Variants in FRMD5 observed in about 807,000 individuals in gnomAD.
FRMD5 encodes FERM domain-containing protein 5.
FRMD5 carries 20 observed loss-of-function variants against 69.0 expected under a neutral mutation model. That is an observed-to-expected ratio of 0.29 (90% CI 0.20 to 0.42). The LOEUF is 0.42. FRMD5 is among the 10% of genes least tolerant of loss of function. The probability of loss-of-function intolerance (pLI) is 1.00; values close to 1 mark genes in which losing one functional copy is unlikely to be tolerated. For missense variants in FRMD5, 595 were observed against 708.6 expected, an observed-to-expected ratio of 0.84 and a Z score of 1.82; for synonymous variants, 271 against 260.1, an observed-to-expected ratio of 1.04 and a Z score of -0.40.
intron 8 of FRMD5, 142 bp from the exon 9 acceptor site, chr15:43,889,014 C>A: frequency 1.5e-6 from 1 of 679,518 alleles, no homozygotes; most frequent in Non-Finnish European, 2.6e-6. Context: ...TGAAACAAGA[C>A]AGCAGCGCAG....
intron 1 of FRMD5, among the ~76,000 whole-genome samples, chr15:44,105,549 C>A (rs1033803521): frequency 6.6e-6 from 1 of 152,100 alleles, no homozygotes; most frequent in Non-Finnish European, 1.5e-5. Context: ...TTGTAGGAAA[C>A]CATCAGTTAG....
At chr15:43,874,548 C>T in intron 13 of FRMD5, 86 bp from the exon 14 acceptor site, 1 of 922,948 alleles carries the variant, frequency 1.1e-6, no homozygotes, top group Non-Finnish European at 1.7e-6. Context: ...TATTGGGTAC[C>T]ATTCTGCACA....
chr15:44,133,576 C>CAAA (rs11326330), intron 1 of FRMD5, among the ~76,000 whole-genome samples: 1 of 86,950 alleles, frequency 1.2e-5, no homozygotes, highest in East Asian at 2.9e-4. Flanking sequence ...GAATCTGTCT[C>CAAA]AAAAAAAAAA....
chr15:44,150,012 AAATC>A (rs2077418390), intron 1 of FRMD5, among the ~76,000 whole-genome samples: 1 of 152,194 alleles, frequency 6.6e-6, no homozygotes, highest in Admixed American at 6.5e-5. Flanking sequence ...CAACATATGA[AAATC>A]AATCAACGCA....
At chr15:44,037,896 G>T (rs1261085258) in intron 1 of FRMD5, among the ~76,000 whole-genome samples, 1 of 152,068 alleles carries the variant, frequency 6.6e-6, no homozygotes, top group Non-Finnish European at 1.5e-5. Context: ...TTCCACAATG[G>T]TTGAACTAAT....
At chr15:44,038,820 G>A (rs898133473) in intron 1 of FRMD5, among the ~76,000 whole-genome samples, 3 of 151,992 alleles carry the variant, frequency 2.0e-5, no homozygotes, top group East Asian at 1.9e-4. Flanking sequence ...AGTGCACTGC[G>A]GCCCAGATAT....
chr15:43,888,340 C>T (rs1329097346), intron 9 of FRMD5, 74 bp from the exon 10 acceptor site: 1 of 1,045,968 alleles, frequency 9.6e-7, no homozygotes, highest in African/African-American at 1.6e-5. Flanking sequence ...AGGACCCTGA[C>T]CCCAGAGCTG....
chr15:44,067,041 A>C (rs576058394), intron 1 of FRMD5, among the ~76,000 whole-genome samples: 1 of 152,194 alleles, frequency 6.6e-6, no homozygotes, highest in South Asian at 2.1e-4. Context: ...AAGAAGAGGG[A>C]TGGAATGGAC....
intron 1 of FRMD5, among the ~76,000 whole-genome samples, chr15:44,087,373 G>A (rs1156483891): frequency 6.6e-6 from 1 of 152,128 alleles, no homozygotes; most frequent in Non-Finnish European, 1.5e-5. Flanking sequence ...ATTATAACAC[G>A]TAATAACATA....
chr15:43,940,314 T>C (rs1595540047), intron 1 of FRMD5, among the ~76,000 whole-genome samples: 1 of 152,310 alleles, frequency 6.6e-6, no homozygotes, highest in South Asian at 2.1e-4. Context: ...AAGAAAGTAA[T>C]GGGGCCCTAT....
chr15:44,130,030 T>C (rs1356666636), intron 1 of FRMD5, among the ~76,000 whole-genome samples: 1 of 152,186 alleles, frequency 6.6e-6, no homozygotes, highest in Non-Finnish European at 1.5e-5. Flanking sequence ...CTCAGTGTCC[T>C]CTTCCTTCTC....
At chr15:43,953,457 A>G (rs950196030) in intron 1 of FRMD5, among the ~76,000 whole-genome samples, 2 of 152,270 alleles carry the variant, frequency 1.3e-5, no homozygotes, top group Non-Finnish European at 2.9e-5. Flanking sequence ...AAAGAAAATC[A>G]GCAATGAGAA....
chr15:43,888,349 TGTTAGAGGCCCTGGCAGCTGGCTA>T (rs1201462799), intron 9 of FRMD5, 83 bp from the exon 10 acceptor site: 3 of 921,894 alleles, frequency 3.3e-6, no homozygotes, highest in African/African-American at 3.3e-5. Flanking sequence ...ACCCCAGAGC[TGTTAGAGGCCCTGGCAGCTGGCTA>T]GTTAGAGGGG....
intron 7 of FRMD5, among the ~76,000 whole-genome samples, chr15:43,895,052 G>A (rs1333262095): frequency 6.6e-6 from 1 of 152,100 alleles, no homozygotes; most frequent in Non-Finnish European, 1.5e-5. Context: ...CCAAAGTGCT[G>A]GCATTACAGA....
At chr15:43,951,296 C>T (rs1226685660) in intron 1 of FRMD5, among the ~76,000 whole-genome samples, 3 of 151,792 alleles carry the variant, frequency 2.0e-5, no homozygotes, top group Non-Finnish European at 4.4e-5. Context: ...GTGGCGGGCA[C>T]CTGTAGTCCC....
intron 1 of FRMD5, among the ~76,000 whole-genome samples, chr15:44,155,679 C>T (rs1267598013): frequency 6.6e-6 from 1 of 150,848 alleles, no homozygotes. Flanking sequence ...CTGCAACCTC[C>T]ACCTCCCAGG....
intron 1 of FRMD5, among the ~76,000 whole-genome samples, chr15:43,927,413 T>G (rs2089603590): frequency 6.6e-6 from 1 of 152,152 alleles, no homozygotes; most frequent in Non-Finnish European, 1.5e-5. Context: ...AGACTCGTTA[T>G]GAATCACACT....
chr15:44,024,065 T>G (rs1891327414), intron 1 of FRMD5, among the ~76,000 whole-genome samples: 1 of 152,198 alleles, frequency 6.6e-6, no homozygotes, highest in African/African-American at 2.4e-5. Context: ...AATGAAATTT[T>G]AATTCAATAA....
chr15:43,925,525 T>C (rs2089569232), intron 1 of FRMD5, among the ~76,000 whole-genome samples: 1 of 152,256 alleles, frequency 6.6e-6, no homozygotes, highest in Non-Finnish European at 1.5e-5. Flanking sequence ...CAGTTCCATA[T>C]TGATGACATT....
Sources: gnomAD v4.1 joint callset for allele counts (sites outside exome capture counted in the v4.1 genomes callset) on GRCh38, gnomAD v4.1.1 for gene constraint, MANE v1.5 for transcripts, NCBI Gene and HGNC (gene_info 2026-07-23, HGNC 2026-07-21) for gene names.